Variants in ATF1 observed in about 807,000 individuals in gnomAD.
The protein encoded by ATF1 is cyclic AMP-dependent transcription factor ATF-1.
ATF1 carries 16 observed loss-of-function variants against 34.7 expected under a neutral mutation model. That is an observed-to-expected ratio of 0.46 (90% CI 0.31 to 0.70). The LOEUF is 0.70. Ranked by LOEUF, ATF1 falls within the 30% of genes least tolerant of loss-of-function variation. ATF1 has a pLI of 0.05. For synonymous variants in ATF1, 105 were observed against 113.1 expected (o/e 0.93, Z 0.46); for missense variants, 255 against 321.6 (o/e 0.79, Z 1.58).
At chr12:50,781,017 A>G (rs906101449) in intron 2 of ATF1, among the ~76,000 whole-genome samples, 1 of 152,044 alleles carries the variant, frequency 6.6e-6, no homozygotes, top group Non-Finnish European at 1.5e-5. Flanking sequence ...ACTGTATAAA[A>G]TGTTAAAATA....
chr12:50,814,273 C>T lies in ATF1; in HGVS notation c.512-7C>T. 1 of 1,613,998 alleles carries T rather than the reference C, an allele frequency of 6.2e-7. No homozygotes were observed. The highest frequency in any genetic ancestry group is 1.7e-5 in the Admixed American group (1 of 60,010). On this transcript the variant is annotated splice_polypyrimidine_tract_variant and splice_region_variant and intron_variant, in intron 5 of 6. Transcript: ENST00000262053. ...AACTAACTCATTCACTCTTGTTTAC[C>T]ATCTAGCTGCATCAGGAGATATGCA...
intron 2 of ATF1, among the ~76,000 whole-genome samples, chr12:50,785,082 G>A (rs1237792873): frequency 2.8e-5 from 4 of 142,906 alleles, no homozygotes; most frequent in Non-Finnish European, 4.5e-5. Context: ...ATAAAGGAAC[G>A]AGCCAAGATT....
At chr12:50,789,544 G>A (rs1941257073) in intron 2 of ATF1, among the ~76,000 whole-genome samples, 1 of 151,986 alleles carries the variant, frequency 6.6e-6, no homozygotes, top group Non-Finnish European at 1.5e-5. Flanking sequence ...GATCACATGA[G>A]GCCTGGAGTT....
chr12:50,772,676 T>TTCTC (rs60731667), intron 1 of ATF1, among the ~76,000 whole-genome samples: 3 of 150,542 alleles, frequency 2.0e-5, no homozygotes, highest in Non-Finnish European at 4.4e-5. Context: ...AAATATATTT[T>TTCTC]TCTCTCTCTC....
intron 1 of ATF1, among the ~76,000 whole-genome samples, chr12:50,767,987 G>A (rs12301934): frequency 3.3e-5 from 5 of 151,700 alleles, no homozygotes; most frequent in East Asian, 2.0e-4. Flanking sequence ...ATTTGCCTGC[G>A]TCATCTTCCC....
chr12:50,783,377 G>A (rs1336051337), intron 2 of ATF1, among the ~76,000 whole-genome samples: 1 of 152,148 alleles, frequency 6.6e-6, no homozygotes, highest in Non-Finnish European at 1.5e-5. Flanking sequence ...GAAAAATAAG[G>A]TGGAGTCTTT....
At chr12:50,796,797 A>G (rs947567617) in intron 3 of ATF1, among the ~76,000 whole-genome samples, 6 of 152,318 alleles carry the variant, frequency 3.9e-5, no homozygotes, top group African/African-American at 1.4e-4. Flanking sequence ...ACCTGAAACC[A>G]TAAAAATCCT....
chr12:50,801,168 G>A (rs1941504174), intron 3 of ATF1, among the ~76,000 whole-genome samples: 1 of 152,060 alleles, frequency 6.6e-6, no homozygotes, highest in Non-Finnish European at 1.5e-5. Context: ...TGTGTGCAGA[G>A]GTAATATATA....
chr12:50,801,942 G>C (rs1228321059), intron 3 of ATF1, among the ~76,000 whole-genome samples: 2 of 152,034 alleles, frequency 1.3e-5, no homozygotes, highest in Admixed American at 6.6e-5. Context: ...TAAATAAAAG[G>C]CATCCTGATT....
At chr12:50,810,319 G>T (rs528652195) in intron 4 of ATF1, among the ~76,000 whole-genome samples, 59 of 149,060 alleles carry the variant, frequency 4.0e-4, no homozygotes, top group African/African-American at 1.4e-3. Flanking sequence ...CCGGGTTCAA[G>T]TGATTCTCCT....
intron 1 of ATF1, among the ~76,000 whole-genome samples, chr12:50,768,157 G>T (rs1447586868): frequency 1.3e-5 from 2 of 152,134 alleles, no homozygotes; most frequent in Non-Finnish European, 2.9e-5. Flanking sequence ...ACAGGCATGA[G>T]CCACCGCACC....
rs375872248 is a variant in ATF1, at chr12:50,796,206, GC to G, written c.194+198del. Among the ~76,000 whole-genome samples, 292 of 152,040 alleles carry G rather than the reference GC, an allele frequency of 1.9e-3. 1 individual carries two copies. Among genetic ancestry groups the G allele is most frequent in the African/African-American group, 6.6e-3 (273 of 41,470 alleles). On this transcript the variant is annotated intron_variant, in intron 3 of 6. Coordinates refer to ENST00000262053, the MANE Select transcript of ATF1 (RefSeq NM_005171.5). ...GCCCAGGAGTTCAAGACCAGCCTGG[GC>G]AACATGGCAAGACCCTGTCTCTTCA...
At chr12:50,777,511 T>A (rs1281457013) in intron 1 of ATF1, among the ~76,000 whole-genome samples, 1 of 152,190 alleles carries the variant, frequency 6.6e-6, no homozygotes, top group East Asian at 1.9e-4. Context: ...TGTTTACTTA[T>A]ACCTGTAATC....
chr12:50,768,336 TC>T (rs1565897327), intron 1 of ATF1, among the ~76,000 whole-genome samples: 1 of 152,226 alleles, frequency 6.6e-6, no homozygotes, highest in Non-Finnish European at 1.5e-5. Flanking sequence ...TTGATAAAAT[TC>T]AAAAGCCAGA....
rs868799389 is a variant in ATF1, at chr12:50,776,168, T to C, written c.-6-3972T>C. The stretch of plus-strand genomic sequence containing the variant: ...TTTACTAAAAATACAAAAAATTAGC[T>C]GGGCATGGTGGCGGGCGCCTGTAGT... On this transcript the variant is annotated intron_variant, in intron 1 of 6. Transcript: ENST00000262053. Among the ~76,000 whole-genome samples the C allele has an allele frequency of 1.0e-3, 153 of 151,136 alleles. 1 individual carries two copies. The highest frequency in any genetic ancestry group is 6.8e-3 in the Middle Eastern group (2 of 294).
At chr12:50,769,716 A>G (rs1940726305) in intron 1 of ATF1, among the ~76,000 whole-genome samples, 1 of 152,224 alleles carries the variant, frequency 6.6e-6, no homozygotes, top group African/African-American at 2.4e-5. Flanking sequence ...AAATTTCCTT[A>G]TCATTTCTGG....
chr12:50,819,509 A>G, intron 6 of ATF1, 126 bp from the exon 7 acceptor site: 2 of 1,079,364 alleles, frequency 1.9e-6, no homozygotes, highest in Non-Finnish European at 2.7e-6. Flanking sequence ...AGATCTATGT[A>G]TTCTCTGTGT....
At chr12:50,795,647 A>G (rs1941393221) in intron 2 of ATF1, among the ~76,000 whole-genome samples, 1 of 151,996 alleles carries the variant, frequency 6.6e-6, no homozygotes, top group Admixed American at 6.5e-5. Flanking sequence ...AACTCTGGTA[A>G]AATAGTACTG....
chr12:50,800,628 C>A (rs992136911), intron 3 of ATF1, among the ~76,000 whole-genome samples: 1 of 152,020 alleles, frequency 6.6e-6, no homozygotes, highest in Non-Finnish European at 1.5e-5. Flanking sequence ...GAATGTGAAC[C>A]GTGTTGTGAC....
Sources: gnomAD v4.1 joint callset for allele counts (sites outside exome capture counted in the v4.1 genomes callset) on GRCh38, gnomAD v4.1.1 for gene constraint, MANE v1.5 for transcripts, NCBI Gene and HGNC (gene_info 2026-07-23, HGNC 2026-07-21) for gene names.